NR6A1: variants seen among roughly 807,000 people sequenced by gnomAD.
NR6A1 encodes retinoic acid receptor-related testis-associated receptor.
NR6A1 carries 7 observed loss-of-function variants against 59.1 expected under a neutral mutation model. The ratio of observed to expected loss-of-function variants is 0.12; its 90% confidence interval spans 0.07 to 0.22. The LOEUF is 0.22. Among genes scored for constraint, NR6A1 ranks in the 10% least tolerant of loss-of-function variants. The pLI, the probability that NR6A1 is intolerant of heterozygous loss-of-function variation, is 1.00. For missense variants in NR6A1, 468 were observed against 611.6 expected (o/e 0.77, Z 2.48); for synonymous variants, 243 against 236.1 (o/e 1.03, Z -0.27).
rs538304315 is a variant in NR6A1 at position 124,613,299 on chromosome 9, C to T, written c.143-58729G>A. ...GCAGTGAGCTAAGAAGGTGCTACTG[C>T]ACTCCAGCATGGGCAAGAGAGCAAC... On this transcript the variant is annotated intron_variant, in intron 2 of 9. Coordinates refer to ENST00000487099, the MANE Select transcript of NR6A1 (RefSeq NM_033334.4). Among the ~76,000 whole-genome samples, 90 of 152,202 alleles carry T rather than the reference C, an allele frequency of 5.9e-4. 1 individual carries two copies. The South Asian group carries it at 0.018, about 30-fold the overall frequency.
intron 2 of NR6A1, among the ~76,000 whole-genome samples, chr9:124,595,320 T>A (rs1835239676): frequency 6.6e-6 from 1 of 152,214 alleles, no homozygotes; most frequent in Non-Finnish European, 1.5e-5. Context: ...AATGGCCTCA[T>A]GACCCCAATT....
intron 2 of NR6A1, among the ~76,000 whole-genome samples, chr9:124,692,805 C>G (rs557851858): frequency 1.3e-5 from 2 of 152,174 alleles, no homozygotes; most frequent in African/African-American, 4.8e-5. Flanking sequence ...TAGATATGCA[C>G]CATTCTGGTG....
intron 2 of NR6A1, among the ~76,000 whole-genome samples, chr9:124,561,348 G>GT (rs555384517): frequency 7.2e-5 from 11 of 152,170 alleles, no homozygotes; most frequent in African/African-American, 2.4e-4. Context: ...TGAGGTAGGA[G>GT]TATCACCTGA....
intron 2 of NR6A1, among the ~76,000 whole-genome samples, chr9:124,695,210 A>G (rs980766140): frequency 6.6e-6 from 1 of 152,184 alleles, no homozygotes; most frequent in Non-Finnish European, 1.5e-5. Flanking sequence ...TGCTGCTTTT[A>G]AGTATCTCCA....
At chr9:124,567,021 T>C (rs935643742) in intron 2 of NR6A1, among the ~76,000 whole-genome samples, 1 of 148,900 alleles carries the variant, frequency 6.7e-6, no homozygotes, top group Admixed American at 6.7e-5. Context: ...GGCAGGAGAA[T>C]GGCGTGAACC....
rs530597073 is a variant in NR6A1 at position 124,645,280 on chromosome 9, G to T, written c.142+88028C>A. 2.6e-5 allele frequency among the ~76,000 whole-genome samples: 4 copies of T among 152,224 alleles called. No individual in the cohort carries two copies. The South Asian group carries it at 8.3e-4, about 32-fold the overall frequency. ...ACAAAAAACAATAAATATATAGCAG[G>T]TATTAATCAACTACATCAGTAATCA... On this transcript the variant is annotated intron_variant, in intron 2 of 9. Coordinates refer to ENST00000487099, the MANE Select transcript of NR6A1 (RefSeq NM_033334.4).
chr9:124,577,866 T>C (rs4836981), intron 2 of NR6A1, among the ~76,000 whole-genome samples: 76,540 of 152,044 alleles, frequency 0.5, 19,383 homozygotes, highest in Admixed American at 0.61. Flanking sequence ...AGAATTTCTA[T>C]ATAGCTTCAC....
At chr9:124,621,546 TAGG>T (rs1162082378) in intron 2 of NR6A1, among the ~76,000 whole-genome samples, 6 of 151,162 alleles carry the variant, frequency 4.0e-5, no homozygotes, top group African/African-American at 7.3e-5. Flanking sequence ...CCCAGTAACT[TAGG>T]AGGATACGGT....
intron 5 of NR6A1, among the ~76,000 whole-genome samples, chr9:124,539,555 G>A (rs1274920707): frequency 3.3e-5 from 5 of 152,230 alleles, no homozygotes; most frequent in African/African-American, 4.8e-5. Context: ...CTAAAGATAT[G>A]CTTGAACCAA....
intron 1 of NR6A1, among the ~76,000 whole-genome samples, chr9:124,756,513 G>C (rs1305705522): frequency 6.6e-6 from 1 of 152,140 alleles, no homozygotes; most frequent in Non-Finnish European, 1.5e-5. Context: ...AAAATGTATA[G>C]ATAGCTGGAT....
chr9:124,648,388 G>A (rs1373628898), intron 2 of NR6A1, among the ~76,000 whole-genome samples: 2 of 152,034 alleles, frequency 1.3e-5, no homozygotes, highest in African/African-American at 2.4e-5. Flanking sequence ...ATGCTAAAAA[G>A]TATTTAATAA....
chr9:124,548,047 A>T (rs1833652554), intron 3 of NR6A1, among the ~76,000 whole-genome samples: 1 of 149,434 alleles, frequency 6.7e-6, no homozygotes, highest in Admixed American at 6.7e-5. Context: ...CTCACTCTCA[A>T]ATGGCTAAGA....
intron 1 of NR6A1, among the ~76,000 whole-genome samples, chr9:124,748,871 AAAAAAAAAAG>A (rs1840413563): frequency 6.6e-6 from 1 of 152,088 alleles, no homozygotes; most frequent in Admixed American, 6.5e-5. Context: ...TCTCAAAAAA[AAAAAAAAAAG>A]AACTTAACAG....
intron 7 of NR6A1, among the ~76,000 whole-genome samples, chr9:124,531,961 C>T (rs991250813): frequency 1.3e-5 from 2 of 152,200 alleles, no homozygotes; most frequent in Admixed American, 6.5e-5. Context: ...GTCTTGTCCA[C>T]GCCAATCCAT....
At chr9:124,613,330 C>T (rs983516226) in intron 2 of NR6A1, among the ~76,000 whole-genome samples, 1 of 151,886 alleles carries the variant, frequency 6.6e-6, no homozygotes, top group African/African-American at 2.4e-5. Flanking sequence ...GCAACCCTGT[C>T]TCTAAAATAA....
At chr9:124,668,145 T>C (rs1184780745) in intron 2 of NR6A1, among the ~76,000 whole-genome samples, 1 of 152,234 alleles carries the variant, frequency 6.6e-6, no homozygotes, top group Non-Finnish European at 1.5e-5. Flanking sequence ...ATGTGTTATA[T>C]ATTGTATTAC....
At chr9:124,693,394 A>G (rs77775736) in intron 2 of NR6A1, among the ~76,000 whole-genome samples, 2,674 of 152,310 alleles carry the variant, frequency 0.018, 68 homozygotes, top group African/African-American at 0.059. Flanking sequence ...CATACTTCTC[A>G]GTTCAAAACA....
chr9:124,624,912 G>GTTTT (rs71492418), intron 2 of NR6A1, among the ~76,000 whole-genome samples: 9 of 134,844 alleles, frequency 6.7e-5, no homozygotes, highest in Admixed American at 1.5e-4. Context: ...TTGCTAGCTT[G>GTTTT]TTTTTTTTTT....
At chr9:124,563,391 C>T (rs539178988) in intron 2 of NR6A1, among the ~76,000 whole-genome samples, 1 of 152,270 alleles carries the variant, frequency 6.6e-6, no homozygotes, top group South Asian at 2.1e-4. Flanking sequence ...AACACATTGG[C>T]CTAGCATTTC....
Sources: gnomAD v4.1 joint callset for allele counts (sites outside exome capture counted in the v4.1 genomes callset) on GRCh38, gnomAD v4.1.1 for gene constraint, MANE v1.5 for transcripts, NCBI Gene and HGNC (gene_info 2026-07-23, HGNC 2026-07-21) for gene names.